The following MANSC1 variants were observed in gnomAD, a reference collection of about 807,000 sequenced individuals.
The protein encoded by MANSC1 is MANSC domain containing 1, also known as MANSC domain-containing protein 1.
A neutral mutation model predicts 14.1 loss-of-function variants in MANSC1; 13 were observed. The ratio of observed to expected loss-of-function variants is 0.92; its 90% CI spans 0.60 to 1.46. The LOEUF (loss-of-function observed/expected upper bound fraction) is 1.46, where lower values mean the gene tolerates loss of function less well. Among genes scored for constraint, MANSC1 ranks in the 40% most tolerant of loss-of-function variants. The probability of loss-of-function intolerance (pLI) is 0.00; values close to 1 mark genes in which losing one functional copy is unlikely to be tolerated. For synonymous variants in MANSC1, 227 were observed against 200.7 expected, an observed-to-expected ratio of 1.13 and a Z score of -1.11; for missense variants, 486 against 511.4, an observed-to-expected ratio of 0.95 and a Z score of 0.48.
At chr12:12,331,344 AG>A (rs1282700700) in intron 3 of MANSC1, among the ~76,000 whole-genome samples, 1 of 152,184 alleles carries the variant, frequency 6.6e-6, no homozygotes, top group Admixed American at 6.5e-5. Flanking sequence ...TGTGTGGAGG[AG>A]GACCAGGCAA....
At position 12,330,889 on chromosome 12, in the gene MANSC1, T is replaced by C. The variant is rs1862781263; in HGVS notation, c.434A>G (p.Gln145Arg). The change falls in exon 4 of 4, where the codon CAA (glutamine) becomes CGA (arginine). Residue 145 changes from glutamine to arginine, a missense_variant. By Grantham distance (43) the Gln-to-Arg change is conservative. Coordinates refer to ENST00000535902, the MANE Select transcript of MANSC1 (RefSeq NM_018050.4). ...LPQEDSLLHG[Q>R]FSQAVTPLAH... ...TAGGGGAGTGACTGCTTGTGAAAATTGGCCATGTAAGAGAGAATCTTCCTG... is the reference window on the plus strand; with the variant it reads ...TAGGGGAGTGACTGCTTGTGAAAATCGGCCATGTAAGAGAGAATCTTCCTG... 1 of 1,613,618 alleles carries C rather than the reference T, an allele frequency of 6.2e-7. No individual in the cohort carries two copies. Among genetic ancestry groups the C allele is most frequent in the African/African-American group, 1.3e-5 (1 of 75,028 alleles).
Position 12,329,750 on chromosome 12 carries a change from G to T in MANSC1, c.*277C>A. On this transcript the variant is annotated 3_prime_UTR_variant, in exon 4 of 4. Transcript: ENST00000535902. The stretch of plus-strand genomic sequence containing the variant: ...AATACAAAAATCACCCAGGTGTGGT[G>T]GCACATGCCTGTAATCCCAGATACT... 1 of 327,794 alleles carries T rather than the reference G, an allele frequency of 3.1e-6. No homozygotes were observed. Among genetic ancestry groups the T allele is most frequent in the Non-Finnish European group, 5.6e-6 (1 of 178,658 alleles). The allele number at this position is 327,794 out of a possible 1,614,324, so 20.3% of individuals were successfully genotyped here. A position where few individuals can be genotyped will look rare whatever the true frequency, so the allele number is the denominator to read the frequency against.
chr12:12,341,429 T>C (rs1319038020), intron 2 of MANSC1, among the ~76,000 whole-genome samples: 1 of 152,182 alleles, frequency 6.6e-6, no homozygotes, highest in Non-Finnish European at 1.5e-5. Context: ...GGTCTCATTT[T>C]ACACAAGCAT....
Position 12,338,567 on chromosome 12 carries a change from T to C in MANSC1, c.224-7A>G, listed in dbSNP as rs768022888. 4 of 1,608,836 alleles carry C rather than the reference T, an allele frequency of 2.5e-6. No homozygotes were observed. The South Asian group carries it at 4.5e-5, about 18-fold the overall frequency. ...AAGTTACATGCTTTGTCCCCTGCAA[T>C]GAAAGGTTTCATAAGCATGATTTTG... On this transcript the variant is annotated splice_polypyrimidine_tract_variant and splice_region_variant and intron_variant, in intron 2 of 3. Coordinates refer to ENST00000535902, the MANE Select transcript of MANSC1 (RefSeq NM_018050.4).
intron 2 of MANSC1, among the ~76,000 whole-genome samples, chr12:12,341,865 A>G (rs1219452317): frequency 1.3e-5 from 2 of 152,194 alleles, no homozygotes; most frequent in Non-Finnish European, 2.9e-5. Flanking sequence ...GGTGGCGAAC[A>G]CCTGTAATCT....
At chr12:12,348,048 G>A (rs1232053150) in intron 1 of MANSC1, 1 of 151,826 alleles carries the variant, frequency 6.6e-6, no homozygotes, top group Non-Finnish European at 1.5e-5. Flanking sequence ...GGGCAACAGA[G>A]TGAGACCCTA....
At chr12:12,346,808 T>C (rs748636876) in intron 1 of MANSC1, among the ~76,000 whole-genome samples, 2 of 152,162 alleles carry the variant, frequency 1.3e-5, no homozygotes, top group Non-Finnish European at 2.9e-5. Flanking sequence ...TGACCTTAGA[T>C]TAGGTGATGA....
intron 2 of MANSC1, among the ~76,000 whole-genome samples, chr12:12,339,724 T>C (rs1394736949): frequency 6.6e-6 from 1 of 152,224 alleles, no homozygotes; most frequent in Non-Finnish European, 1.5e-5. Flanking sequence ...CTTTGTGTTT[T>C]TCTTCCAATT....
intron 1 of MANSC1, among the ~76,000 whole-genome samples, chr12:12,349,151 G>A (rs572362910): frequency 5.0e-4 from 76 of 152,272 alleles, no homozygotes; most frequent in Admixed American, 8.5e-4. Flanking sequence ...TCAGAAGTCG[G>A]TGAAATAATA....
At chr12:12,332,389 C>A (rs1217007439) in intron 3 of MANSC1, among the ~76,000 whole-genome samples, 1 of 152,204 alleles carries the variant, frequency 6.6e-6, no homozygotes, top group Non-Finnish European at 1.5e-5. Flanking sequence ...CTGAGAGGTT[C>A]TTTGCACTGT....
chr12:12,344,715 C>A (rs1320227114), intron 1 of MANSC1, among the ~76,000 whole-genome samples: 3 of 149,946 alleles, frequency 2.0e-5, no homozygotes, highest in African/African-American at 7.4e-5. Flanking sequence ...GATCCGCCTG[C>A]CTCGGCCTCC....
At chr12:12,338,875 A>G (rs1862895240) in intron 2 of MANSC1, 4 of 372,584 alleles carry the variant, frequency 1.1e-5, no homozygotes, top group Admixed American at 4.6e-5. Flanking sequence ...AGGCATCCAC[A>G]ACCACACACA....
chr12:12,338,890 A>ACACACACACACAC (rs1555141160), intron 2 of MANSC1: 13 of 192,922 alleles, frequency 6.7e-5, no homozygotes, highest in Non-Finnish European at 1.1e-4. Context: ...CACACACACA[A>ACACACACACACAC]ACACACACAC....
rs1862773696 is a variant in MANSC1 at position 12,330,628 on chromosome 12, A to C, written c.695T>G (p.Val232Gly). ...AGCCGAGGTGGTATGTGGAGAAGCAACTGCCACCGTAGCTGGGAGCGCACT... is the reference window on the plus strand; with the variant it reads ...AGCCGAGGTGGTATGTGGAGAAGCACCTGCCACCGTAGCTGGGAGCGCACT... ...NVSALPATVA[V>G]ASPHTTSATP... The change falls in exon 4 of 4, where the codon GTT (valine) becomes GGT (glycine). Residue 232 changes from valine to glycine, a missense_variant. Coordinates refer to ENST00000535902, the MANE Select transcript of MANSC1 (RefSeq NM_018050.4). 1 of 1,613,996 alleles carries C rather than the reference A, an allele frequency of 6.2e-7. No homozygotes were observed. Among genetic ancestry groups the C allele is most frequent in the Non-Finnish European group, 8.5e-7 (1 of 1,179,992 alleles).
At chr12:12,346,228 G>T (rs936697957) in intron 1 of MANSC1, among the ~76,000 whole-genome samples, 1 of 151,928 alleles carries the variant, frequency 6.6e-6, no homozygotes, top group Non-Finnish European at 1.5e-5. Flanking sequence ...CCGAGATTGC[G>T]CCACTGCACT....
chr12:12,337,799 T>A (rs1862878366), intron 3 of MANSC1, among the ~76,000 whole-genome samples: 1 of 151,508 alleles, frequency 6.6e-6, no homozygotes, highest in South Asian at 2.1e-4. Flanking sequence ...TTATATTAAT[T>A]TTTTTGCTAT....
intron 2 of MANSC1, among the ~76,000 whole-genome samples, chr12:12,340,899 C>T (rs1592034732): frequency 6.6e-6 from 1 of 152,118 alleles, no homozygotes; most frequent in Non-Finnish European, 1.5e-5. Context: ...AAATTACTTG[C>T]ATAAAGTGTC....
rs1340360350 is a variant in MANSC1, at chr12:12,327,228, CA to C, written c.*2798del. ...TCTAGGCTGCTACCTTCTCTTTCTA[CA>C]AACCAAAGGAGGGGGCTCATAACTC... is the stretch of plus-strand genomic sequence containing the variant. On this transcript the variant is annotated 3_prime_UTR_variant, in exon 4 of 4. Coordinates refer to ENST00000535902, the MANE Select transcript of MANSC1 (RefSeq NM_018050.4). 2 of 152,304 alleles carry C rather than the reference CA, an allele frequency of 1.3e-5. No individual in the cohort carries two copies. The highest frequency in any genetic ancestry group is 2.9e-5 in the Non-Finnish European group (2 of 68,128). 9.4% of individuals were successfully genotyped at this position (152,304 alleles called of 1,614,324 possible). A position where few individuals can be genotyped will look rare whatever the true frequency, so the allele number is the denominator to read the frequency against.
At chr12:12,338,871 C>T (rs1031855405) in intron 2 of MANSC1, 16 of 311,392 alleles carry the variant, frequency 5.1e-5, no homozygotes, top group African/African-American at 3.7e-4. Flanking sequence ...TGAAAGGCAT[C>T]CACAACCACA....
Sources: allele counts gnomAD v4.1 joint callset (sites outside exome capture counted in the v4.1 genomes callset), GRCh38; gene constraint gnomAD v4.1.1; transcripts MANE v1.5; gene names NCBI Gene and HGNC (gene_info 2026-07-23, HGNC 2026-07-21).